Variants in CABLES1 observed in about 807,000 individuals in gnomAD.
The protein encoded by CABLES1 is Cdk5 and Abl enzyme substrate 1.
In CABLES1, 36 loss-of-function variants were observed where a neutral mutation model predicts 57.8. The observed-to-expected ratio is 0.62, with a 90% confidence interval of 0.48 to 0.82. The LOEUF (loss-of-function observed/expected upper bound fraction) is 0.82, where lower values mean the gene tolerates loss of function less well. CABLES1 is among the 40% of genes least tolerant of loss of function. The pLI is 0.00. For missense variants in CABLES1, 767 were observed against 836.6 expected (o/e 0.92, Z 1.03); for synonymous variants, 374 against 363.0 (o/e 1.03, Z -0.35).
rs2048241926 is a variant in CABLES1 at position 23,259,442 on chromosome 18, A to ATTTG, written c.*2080_*2083dup. On this transcript the variant is annotated 3_prime_UTR_variant, in exon 10 of 10. Coordinates refer to ENST00000256925, the MANE Select transcript of CABLES1 (RefSeq NM_001100619.3). Reference sequence around the variant, plus strand: ...GGCTAATTTACTTGGATTTGGGGTGATTTGTTTGGTTTTTAGCATTTATGA... The same window carrying ATTTG: ...GGCTAATTTACTTGGATTTGGGGTGATTTGTTTGTTTGGTTTTTAGCATTTATGA... 6.6e-6 allele frequency: 1 copy of ATTTG among 152,138 alleles called. No individual in the cohort carries two copies. Among genetic ancestry groups the ATTTG allele is most frequent in the South Asian group, 2.1e-4 (1 of 4,816 alleles). The allele number at this position is 152,138 out of a possible 1,614,324, so 9.4% of individuals were successfully genotyped here. A position where few individuals can be genotyped will look rare whatever the true frequency, so the allele number is the denominator to read the frequency against.
chr18:23,240,454 T>C (rs1417136117), intron 7 of CABLES1, among the ~76,000 whole-genome samples: 3 of 152,216 alleles, frequency 2.0e-5, no homozygotes, highest in Non-Finnish European at 4.4e-5. Context: ...GAGCTGCCGC[T>C]GAAACAGGCC....
chr18:23,174,628 C>T (rs1239153107), intron 1 of CABLES1, among the ~76,000 whole-genome samples: 3 of 151,632 alleles, frequency 2.0e-5, no homozygotes, highest in South Asian at 2.1e-4. Context: ...CCCACCACCA[C>T]ACCCGGCTAA....
At position 23,194,458 on chromosome 18, in the gene CABLES1, C is replaced by T. The variant is rs1266667098; in HGVS notation, c.928C>T (p.Leu310Phe). 6.2e-7 allele frequency: 1 copy of T among 1,609,474 alleles called. No homozygotes were observed. Among genetic ancestry groups the T allele is most frequent in the Non-Finnish European group, 8.5e-7 (1 of 1,175,752 alleles). Residue 310 changes from leucine (L) to phenylalanine (F), a missense_variant, in exon 3 of 10, where the codon CTC becomes TTC. This residue lies in a region of CABLES1 where 529 missense variants were observed against 622.8 expected (regional missense o/e 0.85). Coordinates refer to ENST00000256925, the MANE Select transcript of CABLES1 (RefSeq NM_001100619.3). Reference sequence around the variant, plus strand: ...GACTTTATTTTTCAGATGTCGAACTCTCTCAGGTTCACCCAGACCAAAGAA... The same window carrying T: ...GACTTTATTTTTCAGATGTCGAACTTTCTCAGGTTCACCCAGACCAAAGAA... ...ENAPLRRCRT[L>F]SGSPRPKNFK...
At chr18:23,182,850 C>T (rs1260584700) in intron 1 of CABLES1, among the ~76,000 whole-genome samples, 2 of 152,204 alleles carry the variant, frequency 1.3e-5, no homozygotes, top group African/African-American at 4.8e-5. Context: ...CACTGCTGCA[C>T]CCTCACTGGT....
intron 9 of CABLES1, 130 bp downstream of exon 9, chr18:23,254,066 A>T: frequency 1.4e-6 from 1 of 731,722 alleles, no homozygotes; most frequent in Non-Finnish European, 2.3e-6. Flanking sequence ...GGTGAAGGCT[A>T]TGAAGTCTTT....
At chr18:23,208,863 T>A (rs2047383404) in intron 3 of CABLES1, among the ~76,000 whole-genome samples, 1 of 152,238 alleles carries the variant, frequency 6.6e-6, no homozygotes, top group Admixed American at 6.5e-5. Context: ...CCTGGTGTCC[T>A]TGGCTTGTAG....
chr18:23,235,259 T>C (rs12455370), intron 5 of CABLES1, among the ~76,000 whole-genome samples: 49,324 of 152,158 alleles, frequency 0.32, 8,786 homozygotes, highest in Admixed American at 0.43. Flanking sequence ...AATCTGTGTA[T>C]GGCAATGACG....
intron 3 of CABLES1, among the ~76,000 whole-genome samples, chr18:23,196,410 A>G (rs2047283109): frequency 6.6e-6 from 1 of 152,158 alleles, no homozygotes; most frequent in African/African-American, 2.4e-5. Flanking sequence ...TGGCCCTCCC[A>G]CTTGAGGTTT....
At chr18:23,253,258 G>A (rs369718253) in intron 8 of CABLES1, among the ~76,000 whole-genome samples, 192 bp downstream of exon 8, 5 of 152,284 alleles carry the variant, frequency 3.3e-5, no homozygotes, top group South Asian at 2.1e-4. Flanking sequence ...CGAAGTGGGC[G>A]GATCACCTGA....
chr18:23,189,396 G>C (rs1377610746), intron 2 of CABLES1: 1 of 162,380 alleles, frequency 6.2e-6, no homozygotes, highest in African/African-American at 2.4e-5. Context: ...TCTCCCTTGG[G>C]ATTAGAAGAG....
rs137856036 is a variant in CABLES1 at position 23,224,847 on chromosome 18, G to A, written c.1089-9761G>A. 8.4e-3 allele frequency among the ~76,000 whole-genome samples: 1,273 copies of A among 152,056 alleles called. 17 individuals carry two copies. Among genetic ancestry groups the A allele is most frequent in the African/African-American group, 0.029 (1,218 of 41,458 alleles). Reference sequence around the variant, plus strand: ...GCCTCCCAAAGTACTGGGATTACAGGCGTGAGCCACCGCACCCGGCCTTCT... The same window carrying A: ...GCCTCCCAAAGTACTGGGATTACAGACGTGAGCCACCGCACCCGGCCTTCT... On this transcript the variant is annotated intron_variant, in intron 4 of 9. Transcript: ENST00000256925.
intron 2 of CABLES1, chr18:23,189,111 G>T: frequency 1.9e-6 from 1 of 522,224 alleles, no homozygotes; most frequent in East Asian, 3.3e-5. Context: ...ATTAGGTGTT[G>T]GAGTAGCCCA....
intron 7 of CABLES1, among the ~76,000 whole-genome samples, chr18:23,250,112 C>T (rs921743618): frequency 2.0e-5 from 3 of 152,188 alleles, no homozygotes; most frequent in East Asian, 1.9e-4. Context: ...GTGGTTGCTG[C>T]GAGGAGAGAT....
intron 1 of CABLES1, among the ~76,000 whole-genome samples, chr18:23,139,068 AG>A (rs2046841360): frequency 6.6e-6 from 1 of 152,116 alleles, no homozygotes; most frequent in African/African-American, 2.4e-5. Flanking sequence ...AATGAATTTG[AG>A]GTTTTATATA....
rs778047007 is a variant in CABLES1, at chr18:23,253,879, G to A, written c.1704G>A (p.Leu568=). 6.2e-6 allele frequency: 10 copies of A among 1,614,122 alleles called. No individual in the cohort carries two copies. Among genetic ancestry groups the A allele is most frequent in the East Asian group, 2.2e-5 (1 of 44,902 alleles). ...NRKLCAGACV[L]LAAKIGSDLK... ...AGCTGTGTGCTGGGGCATGTGTGCT[G>A]TTAGCAGCCAAAATTGGAAGTGACC... The change falls in exon 9 of 10, where the codon CTG becomes CTA. Residue 568 remains leucine (L), a synonymous_variant. Coordinates refer to ENST00000256925, the MANE Select transcript of CABLES1 (RefSeq NM_001100619.3).
At chr18:23,254,451 T>A (rs1317759086) in intron 9 of CABLES1, among the ~76,000 whole-genome samples, 1 of 152,342 alleles carries the variant, frequency 6.6e-6, no homozygotes, top group East Asian at 1.9e-4. Context: ...TAGAATTCAA[T>A]ATATTAATAG....
chr18:23,246,075 G>A (rs1253776191), intron 7 of CABLES1, among the ~76,000 whole-genome samples: 1 of 152,118 alleles, frequency 6.6e-6, no homozygotes, highest in Non-Finnish European at 1.5e-5. Context: ...AGACCATCCT[G>A]GCCAACGGTG....
intron 9 of CABLES1, 102 bp from the exon 10 acceptor site, chr18:23,257,125 T>C (rs777132894): frequency 5.2e-6 from 7 of 1,338,552 alleles, no homozygotes; most frequent in South Asian, 1.3e-5. Context: ...AGTGGATTTC[T>C]CCTGAGCACT....
intron 2 of CABLES1, chr18:23,189,314 T>TCCTCAGGAGGTAA (rs1247403663): frequency 7.3e-5 from 13 of 177,160 alleles, no homozygotes; most frequent in Non-Finnish European, 1.3e-4. Flanking sequence ...ACGATGTCGC[T>TCCTCAGGAGGTAA]CCCTGGCTAG....
Sources: allele counts gnomAD v4.1 joint callset (sites outside exome capture counted in the v4.1 genomes callset), GRCh38; gene constraint gnomAD v4.1.1; regional missense constraint gnomAD v4.1.1; transcripts MANE v1.5; gene names NCBI Gene and HGNC (gene_info 2026-07-23, HGNC 2026-07-21).